The following USP39 variants were observed in gnomAD, a reference collection of about 807,000 sequenced individuals.
The protein encoded by USP39 is ubiquitin carboxyl-terminal hydrolase 39.
In USP39, 38 loss-of-function variants were observed where a neutral mutation model predicts 66.4. That is an observed-to-expected ratio of 0.57 (90% CI 0.44 to 0.75). USP39 has a LOEUF of 0.75. Among genes scored for constraint, USP39 ranks in the 30% least tolerant of loss-of-function variants. USP39 has a pLI of 0.00. For synonymous variants in USP39, 303 were observed against 274.6 expected (o/e 1.10, Z -1.02); for missense variants, 608 against 714.4 (o/e 0.85, Z 1.70).
upstream of USP39, chr2:85,611,259 G>A (rs993400786): frequency 5.8e-6 from 8 of 1,377,690 alleles, no homozygotes; most frequent in Admixed American, 6.9e-5. Context: ...AAAATTGACC[G>A]TCATATATTA....
chr2:85,611,719 G>C (rs750993716), upstream of USP39: 3 of 1,600,498 alleles, frequency 1.9e-6, no homozygotes, highest in Non-Finnish European at 2.6e-6. Context: ...GGCCGCGTCG[G>C]CGCGGGCGTG....
At chr2:85,613,001 A>C (rs1273431939), upstream of USP39, among the ~76,000 whole-genome samples, 2 of 148,818 alleles carry the variant, frequency 1.3e-5, no homozygotes, top group Non-Finnish European at 3.0e-5. Context: ...CACTGGGTTC[A>C]CGTCACAGCG....
At chr2:85,642,085 A>C (rs1194503595) in intron 10 of USP39, among the ~76,000 whole-genome samples, 1 of 152,072 alleles carries the variant, frequency 6.6e-6, no homozygotes, top group Non-Finnish European at 1.5e-5. Context: ...TCATAGATAA[A>C]ATGAGAGGCT....
upstream of USP39, chr2:85,612,156 C>A: frequency 1.1e-6 from 1 of 890,852 alleles, no homozygotes; most frequent in Non-Finnish European, 1.7e-6. Flanking sequence ...CGGGTCTGGT[C>A]GGGTCGGGTG....
upstream of USP39, chr2:85,611,111 A>C: frequency 3.2e-6 from 1 of 309,762 alleles, no homozygotes. Context: ...GTGGTGGCAC[A>C]CGCCTGTGGT....
At chr2:85,616,075 G>T, upstream of USP39, 2 of 1,303,488 alleles carry the variant, frequency 1.5e-6, no homozygotes, top group Non-Finnish European at 2.0e-6. Flanking sequence ...AGCGTGATTT[G>T]TCCCCAGTGG....
chr2:85,640,182 C>T (rs1319476078), intron 9 of USP39, among the ~76,000 whole-genome samples: 2 of 152,024 alleles, frequency 1.3e-5, no homozygotes, highest in Admixed American at 6.6e-5. Flanking sequence ...AGTGCCCCCT[C>T]TTGTACTTCT....
chr2:85,631,869 C>T (rs1675369995), intron 6 of USP39, among the ~76,000 whole-genome samples: 1 of 152,068 alleles, frequency 6.6e-6, no homozygotes, highest in African/African-American at 2.4e-5. Flanking sequence ...CTGCCTCAGC[C>T]TCCCAAGTAG....
chr2:85,604,475 G>C (rs1036033003), intron 1 of USP39, among the ~76,000 whole-genome samples: 1 of 152,154 alleles, frequency 6.6e-6, no homozygotes, highest in African/African-American at 2.4e-5. Context: ...GCCTCTCAAA[G>C]TGCTGGGATT....
chr2:85,637,380 G>C lies in USP39; in HGVS notation c.1039G>C (p.Asp347His), dbSNP rs1411669550. The C allele has an allele frequency of 6.2e-7, 1 of 1,614,158 alleles. No individual in the cohort carries two copies. The highest frequency in any genetic ancestry group is 1.1e-5 in the South Asian group (1 of 91,086). ...TCCTGTTTGTGCAGCTATTGTGACT[G>C]ATGTTTTCCAGGGGTCCATGAGGAT... ...TKKKKKTIVT[D>H]VFQGSMRIFT... is the part of the protein sequence containing the mutation. The change falls in exon 8 of 13, where the codon GAT becomes CAT. Residue 347 changes from aspartate to histidine, a missense_variant. Transcript: ENST00000323701.
At chr2:85,648,692 T>C (rs1234903721) in intron 12 of USP39, 69 bp from the exon 13 acceptor site, 3 of 1,551,572 alleles carry the variant, frequency 1.9e-6, no homozygotes, top group East Asian at 2.2e-5. Flanking sequence ...TGGCACAGAA[T>C]AGGTATTTGA....
At chr2:85,618,861 C>T (rs895031249) in intron 1 of USP39, among the ~76,000 whole-genome samples, 4 of 151,998 alleles carry the variant, frequency 2.6e-5, no homozygotes, top group African/African-American at 9.7e-5. Context: ...CCGCCTTCTC[C>T]CAGGTTCAAG....
At position 85,641,008 on chromosome 2, in the gene USP39, GC is replaced by G; in HGVS notation, c.1318del (p.Arg440AlafsTer11). The G allele has an allele frequency of 6.2e-7, 1 of 1,612,280 alleles. No homozygotes were observed. The highest frequency in any genetic ancestry group is 8.5e-7 in the Non-Finnish European group (1 of 1,179,610). On this transcript the variant is annotated frameshift_variant, in exon 10 of 13. Coordinates refer to ENST00000323701, the MANE Select transcript of USP39 (RefSeq NM_006590.4). LOFTEE classifies it high-confidence loss of function. ...AGACTTACAAGGAGAACTTTCTGAAGCGCTTCCAGCTTACCAAGTTGCCTCC... is the reference window on the plus strand; with the variant it reads ...AGACTTACAAGGAGAACTTTCTGAAGGCTTCCAGCTTACCAAGTTGCCTCC... ...YKTYKENFLK[R>X]FQLTKLPPYL...
In USP39 at chr2:85,636,215, C is replaced by T. The variant is rs930673195; in HGVS notation, c.1027+85C>T. The T allele has an allele frequency of 5.3e-6, 7 of 1,327,066 alleles. No homozygotes were observed. In the African/African-American group the frequency reaches 1.0e-4, roughly 19 times the overall value. 82.2% of individuals were successfully genotyped at this position (1,327,066 alleles called of 1,614,324 possible). On this transcript the variant is annotated intron_variant, in intron 7 of 12. Transcript: ENST00000323701. ...GGTCGCAATGGCTCATGCCTATAAT[C>T]CCAGCTCTTTGAGAGGCCGAGGTGG...
chr2:85,616,569 G>A (rs1673980626), intron 1 of USP39, 106 bp downstream of exon 1: 2 of 1,307,700 alleles, frequency 1.5e-6, no homozygotes, highest in Non-Finnish European at 2.0e-6. Context: ...TGGGGGAGGG[G>A]TGGGGTTGGG....
chr2:85,648,088 C>G lies in USP39; in HGVS notation c.1650+72C>G. The G allele has an allele frequency of 5.2e-6, 8 of 1,525,858 alleles. No homozygotes were observed. In the South Asian group the frequency reaches 9.0e-5, roughly 17 times the overall value. The allele number at this position is 1,525,858 out of a possible 1,614,324, so 94.5% of individuals were successfully genotyped here. Reference sequence around the variant, plus strand: ...GGCCAGTGAGAGGAGTGGGCCAAGGCAGGAAGAGGGATAGAGTTAGGACCT... The same window carrying G: ...GGCCAGTGAGAGGAGTGGGCCAAGGGAGGAAGAGGGATAGAGTTAGGACCT... On this transcript the variant is annotated intron_variant, in intron 12 of 12. Coordinates refer to ENST00000323701, the MANE Select transcript of USP39 (RefSeq NM_006590.4).
chr2:85,635,386 C>A (rs1480451147), intron 6 of USP39, among the ~76,000 whole-genome samples: 1 of 152,062 alleles, frequency 6.6e-6, no homozygotes, highest in Non-Finnish European at 1.5e-5. Flanking sequence ...ATGGTGAAGC[C>A]CCGTCTCTAC....
chr2:85,612,000 C>G, upstream of USP39: 1 of 1,503,158 alleles, frequency 6.7e-7, no homozygotes, highest in Non-Finnish European at 8.8e-7. Flanking sequence ...GCCGGGGACG[C>G]AGAGTCGCCG....
upstream of USP39, among the ~76,000 whole-genome samples, chr2:85,614,593 C>T (rs13384901): frequency 1.3e-5 from 2 of 152,260 alleles, no homozygotes; most frequent in East Asian, 1.9e-4. Flanking sequence ...AAAGGAGGAA[C>T]GCATCCACCA....
Sources: allele counts gnomAD v4.1 joint callset (sites outside exome capture counted in the v4.1 genomes callset), GRCh38; gene constraint gnomAD v4.1.1; transcripts MANE v1.5; gene names NCBI Gene and HGNC (gene_info 2026-07-23, HGNC 2026-07-21).